Variants in ARFGAP1 observed in about 807,000 individuals in gnomAD.
ARFGAP1 encodes the protein ARF GTPase activating protein 1, also known as ADP-ribosylation factor GTPase-activating protein 1.
ARFGAP1 carries 26 observed loss-of-function variants against 54.0 expected under a neutral mutation model. The ratio of observed to expected loss-of-function variants is 0.48; its 90% CI spans 0.35 to 0.67. The LOEUF (loss-of-function observed/expected upper bound fraction) is 0.67. Among genes scored for constraint, ARFGAP1 ranks in the 30% least tolerant of loss-of-function variants. ARFGAP1 has a pLI of 0.00. For missense variants in ARFGAP1, 525 were observed against 535.8 expected, an observed-to-expected ratio of 0.98 and a Z score of 0.20; for synonymous variants, 248 against 211.9, an observed-to-expected ratio of 1.17 and a Z score of -1.48.
intron 9 of ARFGAP1, 161 bp downstream of exon 9, chr20:63,283,012 C>T (rs1261595004): frequency 3.0e-5 from 23 of 762,674 alleles, no homozygotes; most frequent in Admixed American, 7.1e-5. Context: ...TGCTGTTCCC[C>T]TCCTCATGCC....
rs2067262415 is a variant in ARFGAP1, at chr20:63,277,402, G to C, written c.443+97G>C. On this transcript the variant is annotated intron_variant, in intron 5 of 12. Transcript: ENST00000370283. Reference sequence around the variant, plus strand: ...GAATTCTCCCCTTCTTTGCTGTTGTGACAGCTCTTTTCCCAGAAGTCAGTG... The same window carrying C: ...GAATTCTCCCCTTCTTTGCTGTTGTCACAGCTCTTTTCCCAGAAGTCAGTG... The C allele has an allele frequency of 2.8e-5, 30 of 1,058,880 alleles. No individual in the cohort carries two copies. The South Asian group carries it at 5.0e-4, about 18-fold the overall frequency. The allele number at this position is 1,058,880 out of a possible 1,614,324, so 65.6% of individuals were successfully genotyped here.
chr20:63,288,138 G>A lies in ARFGAP1; in HGVS notation c.*265G>A, dbSNP rs369779769. 4 of 596,416 alleles carry A rather than the reference G, an allele frequency of 6.7e-6. No homozygotes were observed. The highest frequency in any genetic ancestry group is 5.5e-5 in the African/African-American group (3 of 54,518). 36.9% of individuals were successfully genotyped at this position (596,416 alleles called of 1,614,324 possible). ...TGGGCATTCTTGGACTCAAGGCCGGGGCTCTGCGTGGCTTGCTGGGAGGTG... is the reference window on the plus strand; with the variant it reads ...TGGGCATTCTTGGACTCAAGGCCGGAGCTCTGCGTGGCTTGCTGGGAGGTG... On this transcript the variant is annotated 3_prime_UTR_variant, in exon 13 of 13. Coordinates refer to ENST00000370283, the MANE Select transcript of ARFGAP1 (RefSeq NM_018209.4).
intron 12 of ARFGAP1, chr20:63,286,775 T>C: frequency 3.8e-6 from 1 of 266,288 alleles, no homozygotes; most frequent in Non-Finnish European, 7.4e-6. Flanking sequence ...AGGGAGGGTC[T>C]CACCCATATG....
intron 7 of ARFGAP1, chr20:63,279,294 C>T (rs927403117): frequency 2.0e-6 from 1 of 488,358 alleles, no homozygotes; most frequent in Non-Finnish European, 3.9e-6. Flanking sequence ...CAACCTCTGC[C>T]TCCCAGGTTC....
At chr20:63,279,664 A>G (rs1338564747) in intron 7 of ARFGAP1, among the ~76,000 whole-genome samples, 1 of 152,152 alleles carries the variant, frequency 6.6e-6, no homozygotes, top group Non-Finnish European at 1.5e-5. Context: ...GGTCTCTGGC[A>G]GCGCTGGGAA....
chr20:63,281,341 G>A lies in ARFGAP1; in HGVS notation c.678G>A (p.Lys226=), dbSNP rs773127858. 9 of 1,597,600 alleles carry A rather than the reference G, an allele frequency of 5.6e-6. No individual in the cohort carries two copies. In the African/African-American group the frequency reaches 1.2e-4, roughly 21 times the overall value. Residue 226 remains lysine, a synonymous_variant, in exon 8 of 13, where the codon AAG becomes AAA. Coordinates refer to ENST00000370283, the MANE Select transcript of ARFGAP1 (RefSeq NM_018209.4). ...TGASRFASAA[K]EGATKFGSQA... is the part of the protein sequence containing the mutation. The stretch of plus-strand genomic sequence containing the variant: ...CCAGCCGGTTTGCCTCGGCAGCCAA[G>A]GAGGGCGTAAGTCACTGCCCCTGCC...
At position 63,276,391 on chromosome 20, in the gene ARFGAP1, C is replaced by T; in HGVS notation, c.171-89C>T. The T allele has an allele frequency of 6.6e-7, 1 of 1,518,132 alleles. No individual in the cohort carries two copies. The highest frequency in any genetic ancestry group is 9.0e-7 in the Non-Finnish European group (1 of 1,115,340). 94.0% of individuals were successfully genotyped at this position (1,518,132 alleles called of 1,614,324 possible). A position where few individuals can be genotyped will look rare whatever the true frequency, so the allele number is the denominator to read the frequency against. ...TCAGCCTCCCTGCGGCTGCTGCTTG[C>T]TGTGTCTAATTCTCAGGACGATGCT... On this transcript the variant is annotated intron_variant, in intron 3 of 12. Transcript: ENST00000370283. This position sits in a 1 kb window ranked among gnomAD's most constrained non-coding sequence, Gnocchi z 5.2.
intron 8 of ARFGAP1, among the ~76,000 whole-genome samples, 168 bp from the exon 9 acceptor site, chr20:63,282,651 C>G (rs2067414361): frequency 6.6e-6 from 1 of 152,232 alleles, no homozygotes; most frequent in African/African-American, 2.4e-5. Context: ...AATCCAGTCT[C>G]TGCTGCAGCT....
At chr20:63,273,733 C>A (rs943012861) in intron 1 of ARFGAP1, among the ~76,000 whole-genome samples, 1 of 152,170 alleles carries the variant, frequency 6.6e-6, no homozygotes, top group African/African-American at 2.4e-5. Context: ...TTGCCTGTGT[C>A]TGTTGACCAA....
chr20:63,285,629 A>G, intron 10 of ARFGAP1, 25 bp from the exon 11 acceptor site: 1 of 1,611,810 alleles, frequency 6.2e-7, no homozygotes, highest in Non-Finnish European at 8.5e-7. Flanking sequence ...CGCCCCCATT[A>G]ATGCCGCTGT....
At chr20:63,273,991 C>T (rs1368203733) in intron 1 of ARFGAP1, 1 of 152,236 alleles carries the variant, frequency 6.6e-6, no homozygotes, top group African/African-American at 2.4e-5. Flanking sequence ...TTCCCTATTC[C>T]ATCCTCAGTC....
In ARFGAP1 at chr20:63,288,634, G is replaced by C. The variant is rs1270615021; in HGVS notation, c.*761G>C. The stretch of plus-strand genomic sequence containing the variant: ...GTGGGCCCTCGGCCCTGATGCAGGA[G>C]GGTGCGATAGCGGACGTGGCCAGGC... On this transcript the variant is annotated 3_prime_UTR_variant, in exon 13 of 13. Coordinates refer to ENST00000370283, the MANE Select transcript of ARFGAP1 (RefSeq NM_018209.4). 2.5e-6 allele frequency: 1 copy of C among 406,108 alleles called. No individual in the cohort carries two copies. Among genetic ancestry groups the C allele is most frequent in the Non-Finnish European group, 5.0e-6 (1 of 200,234 alleles). 25.2% of individuals were successfully genotyped at this position (406,108 alleles called of 1,614,324 possible). A position where few individuals can be genotyped will look rare whatever the true frequency, so the allele number is the denominator to read the frequency against.
chr20:63,277,406 G>T, intron 5 of ARFGAP1, 101 bp downstream of exon 5: 1 of 1,032,942 alleles, frequency 9.7e-7, no homozygotes, highest in Non-Finnish European at 1.3e-6. Flanking sequence ...TGTTGTGACA[G>T]CTCTTTTCCC....
At chr20:63,286,080 C>T (rs758515457) in intron 11 of ARFGAP1, 347 of 1,549,908 alleles carry the variant, frequency 2.2e-4, no homozygotes, top group Non-Finnish European at 2.8e-4. Flanking sequence ...TGCGGACAGA[C>T]GGGGAGGGAA....
chr20:63,273,563 G>C (rs2067157469), intron 1 of ARFGAP1: 1 of 152,190 alleles, frequency 6.6e-6, no homozygotes, highest in African/African-American at 2.4e-5. Flanking sequence ...AGGGAACTAG[G>C]GCTCTTGAAT....
chr20:63,280,130 C>T (rs1015717514), intron 7 of ARFGAP1, among the ~76,000 whole-genome samples: 1 of 151,926 alleles, frequency 6.6e-6, no homozygotes, highest in Non-Finnish European at 1.5e-5. Flanking sequence ...CGACAGAGTC[C>T]GACTCCATCT....
rs749466606 is a variant in ARFGAP1, at chr20:63,286,398, C to T, written c.867C>T (p.Asp289=). 1.2e-5 allele frequency: 20 copies of T among 1,613,496 alleles called. No homozygotes were observed. The highest frequency in any genetic ancestry group is 1.7e-5 in the Admixed American group (1 of 60,026). Reference sequence around the variant, plus strand: ...GAGTCGGTAGTAAGGGATGGCGGGACGTCACCACCTTTTTTTCGGGGAAAG... The same window carrying T: ...GAGTCGGTAGTAAGGGATGGCGGGATGTCACCACCTTTTTTTCGGGGAAAG... ...VQGVGSKGWR[D]VTTFFSGKAE... is the part of the protein sequence containing the mutation. Residue 289 remains aspartate, a synonymous_variant, in exon 12 of 13, where the codon GAC becomes GAT. Transcript: ENST00000370283.
At chr20:63,274,973 C>G (rs1047281946) in intron 1 of ARFGAP1, among the ~76,000 whole-genome samples, 2 of 152,220 alleles carry the variant, frequency 1.3e-5, no homozygotes, top group Non-Finnish European at 2.9e-5. Flanking sequence ...CCTGCAGCAG[C>G]CACACTGTCG....
chr20:63,285,369 G>A, intron 10 of ARFGAP1: 1 of 538,038 alleles, frequency 1.9e-6, no homozygotes, highest in Non-Finnish European at 3.3e-6. Context: ...GGACAAGTGG[G>A]GAAGACCCAC....
Sources: gnomAD v4.1 joint callset for allele counts (sites outside exome capture counted in the v4.1 genomes callset) on GRCh38, gnomAD v4.1.1 for gene constraint, Gnocchi (gnomAD v3.1) non-coding constraint, MANE v1.5 for transcripts, NCBI Gene and HGNC (gene_info 2026-07-23, HGNC 2026-07-21) for gene names.